Variants in NEGR1 observed in about 807,000 individuals in gnomAD.
NEGR1 encodes the protein IgLON family member 4.
A neutral mutation model predicts 40.9 loss-of-function variants in NEGR1; 10 were observed. The observed-to-expected ratio is 0.24, with a 90% CI of 0.15 to 0.42. The LOEUF (loss-of-function observed/expected upper bound fraction) is 0.42. Among genes scored for constraint, NEGR1 ranks in the 10% least tolerant of loss-of-function variants. The pLI, the probability that NEGR1 is intolerant of heterozygous loss-of-function variation, is 1.00. For missense variants in NEGR1, 352 were observed against 438.9 expected (o/e 0.80, Z 1.77); for synonymous variants, 185 against 166.8 (o/e 1.11, Z -0.84).
intron 2 of NEGR1, among the ~76,000 whole-genome samples, chr1:71,904,652 A>C (rs1371653689): frequency 6.6e-6 from 1 of 152,158 alleles, no homozygotes; most frequent in Non-Finnish European, 1.5e-5. Context: ...AATTTGCATA[A>C]GCCAATTGCT....
chr1:72,207,040 T>C (rs1021804015), intron 1 of NEGR1, among the ~76,000 whole-genome samples: 5 of 150,118 alleles, frequency 3.3e-5, no homozygotes, highest in Admixed American at 1.3e-4. Context: ...CCATGAGGAA[T>C]TGGAAATAAG....
At chr1:72,121,244 C>T (rs1649794669) in intron 1 of NEGR1, among the ~76,000 whole-genome samples, 1 of 151,970 alleles carries the variant, frequency 6.6e-6, no homozygotes, top group African/African-American at 2.4e-5. Context: ...AATATTTAAA[C>T]CTCCAATGTT....
chr1:72,068,548 A>T (rs1264253029), intron 1 of NEGR1, among the ~76,000 whole-genome samples: 1 of 152,146 alleles, frequency 6.6e-6, no homozygotes, highest in Admixed American at 6.6e-5. Context: ...TTTAGGTAAC[A>T]TTATGTGGAT....
At chr1:71,798,920 C>T (rs993790745) in intron 2 of NEGR1, among the ~76,000 whole-genome samples, 1 of 151,794 alleles carries the variant, frequency 6.6e-6, no homozygotes, top group Non-Finnish European at 1.5e-5. Context: ...TATAAGTAGC[C>T]GAAGGTACTA....
intron 1 of NEGR1, among the ~76,000 whole-genome samples, chr1:72,064,628 T>A (rs1647231978): frequency 6.6e-6 from 1 of 152,102 alleles, no homozygotes. Flanking sequence ...CAGAATGGAC[T>A]TTTTATGTTT....
chr1:72,033,021 A>T (rs1431254827), intron 1 of NEGR1, among the ~76,000 whole-genome samples: 1 of 152,162 alleles, frequency 6.6e-6, no homozygotes, highest in Non-Finnish European at 1.5e-5. Context: ...AAATTGTATC[A>T]GTTTCTAGAA....
At chr1:71,876,956 A>G (rs950730022) in intron 2 of NEGR1, among the ~76,000 whole-genome samples, 9 of 152,032 alleles carry the variant, frequency 5.9e-5, no homozygotes, top group African/African-American at 2.2e-4. Context: ...ATACTTAGAG[A>G]AAGTATTACC....
At chr1:71,537,246 T>C (rs1384702170) in intron 6 of NEGR1, among the ~76,000 whole-genome samples, 1 of 151,710 alleles carries the variant, frequency 6.6e-6, no homozygotes, top group African/African-American at 2.4e-5. Context: ...ATCTTGTCCA[T>C]AGTCACACAT....
At chr1:72,201,848 C>T (rs980477244) in intron 1 of NEGR1, among the ~76,000 whole-genome samples, 1 of 151,824 alleles carries the variant, frequency 6.6e-6, no homozygotes, top group Admixed American at 6.6e-5. Context: ...ATCAACCAAC[C>T]TTAATATGAC....
intron 6 of NEGR1, among the ~76,000 whole-genome samples, chr1:71,440,317 C>A (rs1646538263): frequency 6.6e-6 from 1 of 152,126 alleles, no homozygotes; most frequent in South Asian, 2.1e-4. Context: ...ATTTACTTGT[C>A]CAGGTATAAT....
intron 2 of NEGR1, among the ~76,000 whole-genome samples, chr1:71,853,518 T>C (rs1659672550): frequency 6.6e-6 from 1 of 152,096 alleles, no homozygotes. Context: ...ACCGTGCCTT[T>C]GTCTTGAAAA....
intron 1 of NEGR1, among the ~76,000 whole-genome samples, chr1:72,203,685 G>C (rs1653294033): frequency 6.6e-6 from 1 of 152,076 alleles, no homozygotes; most frequent in Non-Finnish European, 1.5e-5. Context: ...ACCATCACAT[G>C]CTGTGGAAAA....
chr1:72,169,099 TATTA>T (rs890222219), intron 1 of NEGR1, among the ~76,000 whole-genome samples: 2 of 152,158 alleles, frequency 1.3e-5, no homozygotes, highest in Non-Finnish European at 2.9e-5. Flanking sequence ...AAGAAAAATG[TATTA>T]ATTATTTTCT....
chr1:71,524,288 G>C (rs1647190035), intron 6 of NEGR1, among the ~76,000 whole-genome samples: 1 of 149,010 alleles, frequency 6.7e-6, no homozygotes, highest in South Asian at 2.1e-4. Context: ...TTTACATTAA[G>C]ATCTTGGAGT....
chr1:71,730,726 A>G (rs958119914), intron 3 of NEGR1, among the ~76,000 whole-genome samples: 4 of 151,710 alleles, frequency 2.6e-5, no homozygotes, highest in Non-Finnish European at 5.9e-5. Flanking sequence ...AAAAGTCACA[A>G]AATGTAAATA....
At chr1:71,589,314 C>T (rs1649419917) in intron 6 of NEGR1, among the ~76,000 whole-genome samples, 1 of 152,114 alleles carries the variant, frequency 6.6e-6, no homozygotes, top group Non-Finnish European at 1.5e-5. Context: ...TGCTTCTCTT[C>T]CTAGGCTCAC....
chr1:71,713,623 C>T (rs1654179010), intron 3 of NEGR1, among the ~76,000 whole-genome samples: 1 of 152,122 alleles, frequency 6.6e-6, no homozygotes, highest in Admixed American at 6.5e-5. Flanking sequence ...GATATTACTG[C>T]AAAGCTTTTG....
At chr1:71,586,756 C>T (rs56845212) in intron 6 of NEGR1, among the ~76,000 whole-genome samples, 4,613 of 152,156 alleles carry the variant, frequency 0.03, 249 homozygotes, top group African/African-American at 0.11. Context: ...AAAATATTCT[C>T]TTGCTTTACT....
At chr1:71,663,900 A>G (rs1652152032) in intron 4 of NEGR1, among the ~76,000 whole-genome samples, 1 of 152,196 alleles carries the variant, frequency 6.6e-6, no homozygotes, top group African/African-American at 2.4e-5. Context: ...TTGAAAAGGT[A>G]GCTGTCTCTA....
Sources: gnomAD v4.1 joint callset for allele counts (sites outside exome capture counted in the v4.1 genomes callset) on GRCh38, gnomAD v4.1.1 for gene constraint, MANE v1.5 for transcripts, NCBI Gene and HGNC (gene_info 2026-07-23, HGNC 2026-07-21) for gene names.